The following ZYG11B variants were observed in gnomAD, a reference collection of about 807,000 sequenced individuals.
ZYG11B encodes the protein protein zyg-11 homolog B.
Under a neutral mutation model 82.4 loss-of-function variants are expected in ZYG11B, and 36 were observed. That is an observed-to-expected ratio of 0.44 (90% confidence interval 0.33 to 0.58). The LOEUF (loss-of-function observed/expected upper bound fraction) is 0.58. Among genes scored for constraint, ZYG11B ranks in the 20% least tolerant of loss-of-function variants. ZYG11B has a pLI of 0.02. For synonymous variants in ZYG11B, 303 were observed against 312.8 expected, an observed-to-expected ratio of 0.97 and a Z score of 0.33; for missense variants, 552 against 895.6, an observed-to-expected ratio of 0.62 and a Z score of 4.90.
rs1645021817 is a variant in ZYG11B at position 52,797,096 on chromosome 1, TAC to T, written c.1485+314_1485+315del. 4.1e-5 allele frequency among the ~76,000 whole-genome samples: 3 copies of T among 73,724 alleles called. No individual in the cohort carries two copies. The South Asian group carries it at 1.1e-3, about 27-fold the overall frequency. 48.4% of individuals were successfully genotyped at this position (73,724 alleles called of 152,430 possible). On this transcript the variant is annotated intron_variant, in intron 8 of 13. Coordinates refer to ENST00000294353, the MANE Select transcript of ZYG11B (RefSeq NM_024646.3). Reference sequence around the variant, plus strand: ...TTATATATTGTATATATTTATATATTACATATTGTATATATTTATATATTATA... The same window carrying T: ...TTATATATTGTATATATTTATATATTATATTGTATATATTTATATATTATA...
At chr1:52,802,261 T>C in intron 10 of ZYG11B, 122 bp downstream of exon 10, 1 of 817,642 alleles carries the variant, frequency 1.2e-6, no homozygotes, top group Non-Finnish European at 1.9e-6. Flanking sequence ...GCACGGTCAT[T>C]GCTAATTGAG....
intron 2 of ZYG11B, among the ~76,000 whole-genome samples, chr1:52,762,720 T>TA (rs1408042632): frequency 6.6e-6 from 1 of 151,930 alleles, no homozygotes; most frequent in Non-Finnish European, 1.5e-5. Context: ...AGCTGGGAGT[T>TA]ACAGGTGCCC....
At chr1:52,797,226 T>A (rs60942917) in intron 8 of ZYG11B, among the ~76,000 whole-genome samples, 8,454 of 79,496 alleles carry the variant, frequency 0.11, 970 homozygotes, top group African/African-American at 0.29. Context: ...TAAATATATA[T>A]TATATAATAT....
rs572199346 is a variant in ZYG11B, at chr1:52,762,878, G to A, written c.196+6255G>A. Reference sequence around the variant, plus strand: ...ATTACAAGTGTGAGCCACTGCACCTGGCCCTCTGCTATATTTTCTTCTAGT... The same window carrying A: ...ATTACAAGTGTGAGCCACTGCACCTAGCCCTCTGCTATATTTTCTTCTAGT... On this transcript the variant is annotated intron_variant, in intron 2 of 13. Transcript: ENST00000294353. 4.7e-4 allele frequency among the ~76,000 whole-genome samples: 71 copies of A among 151,468 alleles called. 1 individual carries two copies. The South Asian group carries it at 0.014, about 31-fold the overall frequency.
rs549877859 is a variant in ZYG11B, at chr1:52,762,987, G to C, written c.196+6364G>C. On this transcript the variant is annotated intron_variant, in intron 2 of 13. Coordinates refer to ENST00000294353, the MANE Select transcript of ZYG11B (RefSeq NM_024646.3). ...TAAAGGTGAGAGATTGGGGGGGGGGGGTCTAGTTTCATTCTTTTGTCTGTG... is the reference window on the plus strand; with the variant it reads ...TAAAGGTGAGAGATTGGGGGGGGGGCGTCTAGTTTCATTCTTTTGTCTGTG... Among the ~76,000 whole-genome samples, 4 of 133,300 alleles carry C rather than the reference G, an allele frequency of 3.0e-5. 1 individual carries two copies. The highest frequency in any genetic ancestry group is 1.5e-4 in the Admixed American group (2 of 13,266). The allele number at this position is 133,300 out of a possible 152,430, so 87.4% of individuals were successfully genotyped here. A position where few individuals can be genotyped will look rare whatever the true frequency, so the allele number is the denominator to read the frequency against.
intron 2 of ZYG11B, among the ~76,000 whole-genome samples, chr1:52,764,678 A>C (rs948396617): frequency 2.0e-5 from 3 of 152,166 alleles, no homozygotes; most frequent in Non-Finnish European, 2.9e-5. Flanking sequence ...GGGAGACACA[A>C]TTAGGAAGTA....
At chr1:52,756,731 C>A in intron 2 of ZYG11B, 108 bp downstream of exon 2, 1 of 1,033,152 alleles carries the variant, frequency 9.7e-7, no homozygotes, top group Non-Finnish European at 1.4e-6. Flanking sequence ...CTGAGAAGGC[C>A]AAATGAGCCT....
chr1:52,757,833 C>T (rs1644592586), intron 2 of ZYG11B, among the ~76,000 whole-genome samples: 1 of 152,074 alleles, frequency 6.6e-6, no homozygotes, highest in South Asian at 2.1e-4. Context: ...TGCTGAAAAT[C>T]AACTGGGAAG....
At chr1:52,757,984 G>A (rs1571755314) in intron 2 of ZYG11B, among the ~76,000 whole-genome samples, 1 of 151,670 alleles carries the variant, frequency 6.6e-6, no homozygotes, top group African/African-American at 2.4e-5. Flanking sequence ...GGCGGATCAC[G>A]AGGTCAGGAG....
intron 2 of ZYG11B, among the ~76,000 whole-genome samples, chr1:52,759,713 T>C (rs1644611242): frequency 6.6e-6 from 1 of 152,250 alleles, no homozygotes; most frequent in Admixed American, 6.5e-5. Context: ...CAAAGAAACA[T>C]GTTGCCAGTT....
In ZYG11B at chr1:52,825,363, A is replaced by G. The variant is rs1229635661; in HGVS notation, c.*3734A>G. 3.3e-5 allele frequency: 5 copies of G among 152,302 alleles called. 1 individual carries two copies. Among genetic ancestry groups the G allele is most frequent in the Middle Eastern group, 6.8e-3 (2 of 294 alleles). The allele number at this position is 152,302 out of a possible 1,614,324, so 9.4% of individuals were successfully genotyped here. A position where few individuals can be genotyped will look rare whatever the true frequency, so the allele number is the denominator to read the frequency against. On this transcript the variant is annotated 3_prime_UTR_variant, in exon 14 of 14. Transcript: ENST00000294353. ...AGTTAGTTTAGGATTTTTAAAAAGC[A>G]TATCAGACCCCCAGTTTCAGGAATT...
At chr1:52,810,723 C>T (rs66470508) in intron 10 of ZYG11B, among the ~76,000 whole-genome samples, 4,610 of 152,198 alleles carry the variant, frequency 0.03, 102 homozygotes, top group Non-Finnish European at 0.043. Context: ...CAGGAGTGCT[C>T]ATCATTCCTC....
At chr1:52,775,506 C>T (rs1213536761) in intron 3 of ZYG11B, among the ~76,000 whole-genome samples, 1 of 151,418 alleles carries the variant, frequency 6.6e-6, no homozygotes, top group Non-Finnish European at 1.5e-5. Flanking sequence ...GCCTGGCCAA[C>T]GTGGTGAAAC....
chr1:52,753,588 ATTTTTTGTGT>A (rs2149927976), intron 1 of ZYG11B, among the ~76,000 whole-genome samples: 1 of 150,538 alleles, frequency 6.6e-6, no homozygotes, highest in East Asian at 2.0e-4. Context: ...TGCCTGGCTA[ATTTTTTGTGT>A]TTTTTTGTTT....
intron 1 of ZYG11B, among the ~76,000 whole-genome samples, chr1:52,750,274 T>G (rs969884820): frequency 3.5e-5 from 1 of 28,220 alleles, no homozygotes; most frequent in Non-Finnish European, 4.9e-5. Context: ...CCAGCAACTA[T>G]TTTTTTTTTT....
chr1:52,747,140 G>A (rs1334101236), intron 1 of ZYG11B, among the ~76,000 whole-genome samples: 2 of 151,928 alleles, frequency 1.3e-5, no homozygotes, highest in Non-Finnish European at 1.5e-5. Flanking sequence ...TGTAAGAAAT[G>A]TGTTGTATGA....
chr1:52,740,420 T>C (rs1307988021), intron 1 of ZYG11B, among the ~76,000 whole-genome samples: 1 of 152,170 alleles, frequency 6.6e-6, no homozygotes, highest in East Asian at 1.9e-4. Context: ...TTTCAATTTG[T>C]CATCTAGGAG....
At chr1:52,773,673 C>T (rs1447971244) in intron 3 of ZYG11B, among the ~76,000 whole-genome samples, 4 of 87,940 alleles carry the variant, frequency 4.5e-5, no homozygotes, top group Non-Finnish European at 6.0e-5. Flanking sequence ...GATGGAGTCT[C>T]GCTCTGTCGC....
chr1:52,804,043 C>T (rs1397639456), intron 10 of ZYG11B, among the ~76,000 whole-genome samples: 1 of 152,096 alleles, frequency 6.6e-6, no homozygotes, highest in Non-Finnish European at 1.5e-5. Context: ...AGTTTGAGAC[C>T]AGCCTGGGCA....
Sources: allele counts gnomAD v4.1 joint callset (sites outside exome capture counted in the v4.1 genomes callset), GRCh38; gene constraint gnomAD v4.1.1; transcripts MANE v1.5; gene names NCBI Gene and HGNC (gene_info 2026-07-23, HGNC 2026-07-21).